Variants in NBAS observed in about 807,000 individuals in gnomAD.
NBAS encodes NAG/BC035112 fusion.
Under a neutral mutation model 302.5 loss-of-function variants are expected in NBAS, and 219 were observed. That is an observed-to-expected ratio of 0.72 (90% CI 0.65 to 0.81). NBAS has a LOEUF of 0.81. Among genes scored for constraint, NBAS ranks in the 30% least tolerant of loss-of-function variants. The probability of loss-of-function intolerance (pLI) is 0.00; values close to 1 mark genes in which losing one functional copy is unlikely to be tolerated. For synonymous variants in NBAS, 1,118 were observed against 1,021.6 expected (o/e 1.09, Z -1.80); for missense variants, 2,932 against 2,841.6 (o/e 1.03, Z -0.72).
In NBAS at chr2:15,234,595, T is replaced by G. The variant is rs769087071; in HGVS notation, c.6096A>C (p.Ser2032=). ...LEVAVGPLDI[S]PKDIVQSAIM... ...TTGCACTCTGCACTATATCCTTGGG[T>G]GAGATGTCAAGAGGGCCAACTGCCA... Residue 2032 remains serine (S), a synonymous_variant, in exon 46 of 52, where the codon TCA becomes TCC. Coordinates refer to ENST00000281513, the MANE Select transcript of NBAS (RefSeq NM_015909.4). 6.8e-6 allele frequency: 11 copies of G among 1,614,116 alleles called. No homozygotes were observed. The South Asian group carries it at 1.2e-4, about 18-fold the overall frequency.
intron 48 of NBAS, among the ~76,000 whole-genome samples, chr2:15,190,609 G>A (rs1261679019): frequency 6.6e-6 from 1 of 152,158 alleles, no homozygotes; most frequent in Non-Finnish European, 1.5e-5. Flanking sequence ...ACAATCAGAG[G>A]AAGGTTCTAA....
chr2:15,435,885 T>G (rs989954312), intron 21 of NBAS, among the ~76,000 whole-genome samples: 1 of 152,180 alleles, frequency 6.6e-6, no homozygotes, highest in Admixed American at 6.5e-5. Flanking sequence ...TATTCTCTGA[T>G]AAATACCCCT....
the NBAS span, among the ~76,000 whole-genome samples, chr2:14,856,069 CAGAGAGAGAGAGAA>C: frequency 6.6e-6 from 1 of 151,434 alleles, no homozygotes; most frequent in African/African-American, 2.4e-5. Flanking sequence ...TCACTCAGAG[CAGAGAGAGAGAGAA>C]AGAGAGAGAG....
chr2:15,554,498 G>A (rs1481054068), intron 3 of NBAS, among the ~76,000 whole-genome samples: 1 of 151,566 alleles, frequency 6.6e-6, no homozygotes, highest in East Asian at 1.9e-4. Context: ...CTAGCATAGA[G>A]TTAAACTCAC....
chr2:14,842,846 CAAAAAAAA>C, the NBAS span, among the ~76,000 whole-genome samples: 1 of 74,036 alleles, frequency 1.4e-5, no homozygotes, highest in Non-Finnish European at 3.0e-5. Flanking sequence ...CAGAAAATGA[CAAAAAAAA>C]AAAAAAAAAA....
chr2:15,492,380 A>AAG (rs1324316505), intron 11 of NBAS, among the ~76,000 whole-genome samples: 1 of 152,232 alleles, frequency 6.6e-6, no homozygotes, highest in Non-Finnish European at 1.5e-5. Context: ...CAAGATTCTC[A>AAG]AGACACTTAG....
chr2:14,860,254 A>T, the NBAS span, among the ~76,000 whole-genome samples: 1 of 152,174 alleles, frequency 6.6e-6, no homozygotes, highest in Non-Finnish European at 1.5e-5. Context: ...AACTATAGCC[A>T]CTATAGAAAA....
intron 41 of NBAS, among the ~76,000 whole-genome samples, chr2:15,289,675 A>G (rs1272663650): frequency 6.6e-6 from 1 of 152,190 alleles, no homozygotes; most frequent in Non-Finnish European, 1.5e-5. Context: ...GGACAGGTAC[A>G]ATGCACTTAC....
intron 32 of NBAS, among the ~76,000 whole-genome samples, chr2:15,360,637 G>A (rs973660130): frequency 2.1e-5 from 3 of 142,900 alleles, no homozygotes; most frequent in Admixed American, 7.1e-5. Flanking sequence ...AGTCTGAGCC[G>A]CCATGACCAG....
chr2:15,179,225 G>A (rs1664707340), intron 50 of NBAS, 109 bp from the exon 51 acceptor site: 1 of 1,528,510 alleles, frequency 6.5e-7, no homozygotes, highest in South Asian at 1.2e-5. Context: ...GTGTGTGTGT[G>A]TGTAAAGCCA....
chr2:15,322,047 A>G (rs981567326), intron 38 of NBAS, among the ~76,000 whole-genome samples: 14 of 152,216 alleles, frequency 9.2e-5, no homozygotes, highest in Non-Finnish European at 1.3e-4. Context: ...ACCATGGAAT[A>G]CTATGCAGTC....
At chr2:14,908,210 A>C in the NBAS span, among the ~76,000 whole-genome samples, 1 of 152,162 alleles carries the variant, frequency 6.6e-6, no homozygotes, top group South Asian at 2.1e-4. Flanking sequence ...AAAAACACAC[A>C]AAATTAGCCG....
At chr2:14,807,583 A>C in the NBAS span, among the ~76,000 whole-genome samples, 1 of 152,332 alleles carries the variant, frequency 6.6e-6, no homozygotes, top group Non-Finnish European at 1.5e-5. Flanking sequence ...CATTTCAGGA[A>C]GAAAATGAAC....
chr2:14,951,395 C>T, the NBAS span, among the ~76,000 whole-genome samples: 2 of 152,096 alleles, frequency 1.3e-5, no homozygotes, highest in Non-Finnish European at 2.9e-5. Flanking sequence ...TGGGCTTTGT[C>T]GCTGGAGCAG....
At chr2:14,782,751 A>C in the NBAS span, among the ~76,000 whole-genome samples, 1 of 152,226 alleles carries the variant, frequency 6.6e-6, no homozygotes, top group Middle Eastern at 3.2e-3. Flanking sequence ...CATGGTACAT[A>C]TACACCATGG....
intron 28 of NBAS, among the ~76,000 whole-genome samples, chr2:15,383,713 T>C (rs1474254240): frequency 1.3e-5 from 2 of 152,220 alleles, no homozygotes; most frequent in Admixed American, 6.5e-5. Flanking sequence ...TCCATCTTCA[T>C]CACTCAGCAA....
At chr2:15,317,104 C>G (rs1279078310) in intron 38 of NBAS, among the ~76,000 whole-genome samples, 2 of 152,230 alleles carry the variant, frequency 1.3e-5, no homozygotes, top group Admixed American at 6.5e-5. Context: ...AACAGGCAAA[C>G]AGCGTCTGGA....
the NBAS span, among the ~76,000 whole-genome samples, chr2:14,841,272 G>A: frequency 6.6e-6 from 1 of 151,570 alleles, no homozygotes; most frequent in Non-Finnish European, 1.5e-5. Flanking sequence ...GTAAGAAAGG[G>A]GGAGTTTCAA....
chr2:15,174,151 C>T (rs1049972101), intron 51 of NBAS, among the ~76,000 whole-genome samples: 1 of 152,160 alleles, frequency 6.6e-6, no homozygotes, highest in African/African-American at 2.4e-5. Flanking sequence ...AATAGACATA[C>T]CCACAACTTT....
Sources: allele counts gnomAD v4.1 joint callset (sites outside exome capture counted in the v4.1 genomes callset), GRCh38; gene constraint gnomAD v4.1.1; transcripts MANE v1.5; gene names NCBI Gene and HGNC (gene_info 2026-07-23, HGNC 2026-07-21).